The following GBF1 variants were observed in gnomAD, a reference collection of about 807,000 sequenced individuals.
The protein encoded by GBF1 is golgi brefeldin A resistant guanine nucleotide exchange factor 1.
A neutral mutation model predicts 210.5 loss-of-function variants in GBF1; 114 were observed. That is an observed-to-expected ratio of 0.54 (90% CI 0.47 to 0.63). The LOEUF (loss-of-function observed/expected upper bound fraction) is 0.63, where lower values mean the gene tolerates loss of function less well. GBF1 is among the 30% of genes least tolerant of loss of function. The probability of loss-of-function intolerance (pLI) is 0.00; values close to 1 mark genes in which losing one functional copy is unlikely to be tolerated. For missense variants in GBF1, 1,851 were observed against 2,357.7 expected (o/e 0.79, Z 4.45); for synonymous variants, 850 against 889.2 (o/e 0.96, Z 0.78).
chr10:102,358,146 G>A lies in GBF1; in HGVS notation c.747G>A (p.Leu249=), dbSNP rs1289847620. 8 of 1,613,572 alleles carry A rather than the reference G, an allele frequency of 5.0e-6. No homozygotes were observed. The change falls in exon 9 of 40, where the codon CTG becomes CTA. Residue 249 remains leucine, a synonymous_variant. Coordinates refer to ENST00000369983, the MANE Select transcript of GBF1 (RefSeq NM_001377137.1). ...CCAAAGTCACACCAGGTTCAGAGCT[G>A]CCCACTCCCAATGGAACCACCTTAT... ...HMTKVTPGSE[L]PTPNGTTLSS...
chr10:102,287,276 C>A (rs2076027394), intron 3 of GBF1, among the ~76,000 whole-genome samples: 1 of 151,738 alleles, frequency 6.6e-6, no homozygotes, highest in African/African-American at 2.4e-5. Flanking sequence ...GCAAATTACC[C>A]CCCAAAATGT....
Position 102,382,005 on chromosome 10 carries a change from G to A in GBF1, c.5303-51G>A, listed in dbSNP as rs758521971. ...CAGCCAGCTGGGCAATGTGAGAGTT[G>A]TCTTGTACCAACAAGGGAATCTGAC... On this transcript the variant is annotated intron_variant, in intron 39 of 39. Transcript: ENST00000369983. 3.4e-6 allele frequency: 5 copies of A among 1,470,488 alleles called. No homozygotes were observed. In the South Asian group the frequency reaches 5.4e-5, roughly 16 times the overall value. The allele number at this position is 1,470,488 out of a possible 1,614,324, so 91.1% of individuals were successfully genotyped here.
At chr10:102,303,307 T>G (rs902767134) in intron 3 of GBF1, among the ~76,000 whole-genome samples, 1 of 152,250 alleles carries the variant, frequency 6.6e-6, no homozygotes, top group East Asian at 1.9e-4. Flanking sequence ...GTATATGATA[T>G]GAGGTAGGGG....
chr10:102,265,949 G>A (rs1256672279), intron 3 of GBF1, among the ~76,000 whole-genome samples: 2 of 152,068 alleles, frequency 1.3e-5, no homozygotes, highest in Non-Finnish European at 2.9e-5. Context: ...GTAAGACTAA[G>A]GTGGAGGGCC....
At position 102,361,751 on chromosome 10, in the gene GBF1, G is replaced by T; in HGVS notation, c.1525G>T (p.Val509Leu). 6.2e-7 allele frequency: 1 copy of T among 1,610,544 alleles called. No individual in the cohort carries two copies. The highest frequency in any genetic ancestry group is 8.5e-7 in the Non-Finnish European group (1 of 1,178,554). The stretch of plus-strand genomic sequence containing the variant: ...CAAAAAGCTTATGGAGATCATCACT[G>T]TGGAGAACCCCAAGATGCCTTATGA... ...YIKKLMEIIT[V>L]ENPKMPYEMK... is the part of the protein sequence containing the mutation. Residue 509 changes from valine to leucine, a missense_variant, in exon 14 of 40, where the codon GTG becomes TTG. By Grantham distance (32) the Val-to-Leu change is conservative. Coordinates refer to ENST00000369983, the MANE Select transcript of GBF1 (RefSeq NM_001377137.1).
At position 102,380,678 on chromosome 10, in the gene GBF1, T is replaced by C. The variant is rs770875787; in HGVS notation, c.5165T>C (p.Val1722Ala). The C allele has an allele frequency of 6.2e-7, 1 of 1,608,568 alleles. No homozygotes were observed. The highest frequency in any genetic ancestry group is 8.5e-7 in the Non-Finnish European group (1 of 1,176,870). The change falls in exon 38 of 40, where the codon GTC (valine) becomes GCC (alanine). Residue 1722 changes from valine (V) to alanine (A), a missense_variant. This residue lies in a region of GBF1 where 967 missense variants were observed against 1,247.7 expected (regional missense o/e 0.78). Transcript: ENST00000369983. ...CGAGATGAACTCTTCAAGCAGACCG[T>C]CATCCAGGGTAGGGGGCTCAGCCCA... is the stretch of plus-strand genomic sequence containing the variant. ...HLRDELFKQT[V>A]IQDPMPMEPQ...
intron 3 of GBF1, among the ~76,000 whole-genome samples, chr10:102,339,952 A>AT (rs2058056473): frequency 9.6e-6 from 1 of 104,258 alleles, no homozygotes; most frequent in African/African-American, 4.2e-5. Context: ...ATACCTGGTT[A>AT]ATTTTTTTTT....
chr10:102,240,930 C>A (rs1188671389), upstream of GBF1, among the ~76,000 whole-genome samples: 1 of 152,212 alleles, frequency 6.6e-6, no homozygotes, highest in Non-Finnish European at 1.5e-5. Context: ...CCGTCAACTG[C>A]CCCCACACTG....
At chr10:102,380,446 C>A in intron 37 of GBF1, 60 bp from the exon 38 acceptor site, 1 of 1,589,360 alleles carries the variant, frequency 6.3e-7, no homozygotes, top group African/African-American at 1.3e-5. Context: ...AGCTACCTCC[C>A]TTTACCATAC....
At chr10:102,233,272 G>A in the GBF1 span, among the ~76,000 whole-genome samples, 7 of 145,182 alleles carry the variant, frequency 4.8e-5, no homozygotes, top group South Asian at 2.3e-4. Context: ...GGTCTGTTTC[G>A]TTTACGACTT....
intron 3 of GBF1, among the ~76,000 whole-genome samples, chr10:102,299,382 A>G (rs2485378): frequency 0.33 from 49,865 of 152,072 alleles, 8,852 homozygotes; most frequent in South Asian, 0.48. Context: ...ACTGTTCTGT[A>G]TCCTCATTGT....
intron 4 of GBF1, among the ~76,000 whole-genome samples, chr10:102,346,951 A>AT (rs2058618148): frequency 6.6e-6 from 1 of 152,154 alleles, no homozygotes; most frequent in South Asian, 2.1e-4. Context: ...CTTTCATAGC[A>AT]TTACAATTAT....
chr10:102,361,159 A>T (rs2059581600), intron 13 of GBF1, 39 bp downstream of exon 13: 3 of 1,036,106 alleles, frequency 2.9e-6, no homozygotes, highest in Non-Finnish European at 4.6e-6. Flanking sequence ...GGGAAAAAAA[A>T]TAGGGAGATA....
At position 102,361,849 on chromosome 10, in the gene GBF1, C is replaced by G; in HGVS notation, c.1623C>G (p.Ile541Met). 2 of 1,613,780 alleles carry G rather than the reference C, an allele frequency of 1.2e-6. No individual in the cohort carries two copies. The highest frequency in any genetic ancestry group is 1.7e-6 in the Non-Finnish European group (2 of 1,179,790). ...CCAGCTTTGTCACAGAGCTCTACATCAACTATGATTGTGACTACTACTGTT... is the reference window on the plus strand; with the variant it reads ...CCAGCTTTGTCACAGAGCTCTACATGAACTATGATTGTGACTACTACTGTT... Reference protein sequence around the residue: ...RIPSFVTELYINYDCDYYCSN... With the variant: ...RIPSFVTELYMNYDCDYYCSN... The change falls in exon 14 of 40, where the codon ATC becomes ATG. Residue 541 changes from isoleucine (I) to methionine (M), a missense_variant. Ile to Met is a conservative substitution (Grantham distance 10). Transcript: ENST00000369983.
At chr10:102,280,537 C>T (rs1349415837) in intron 3 of GBF1, among the ~76,000 whole-genome samples, 3 of 152,152 alleles carry the variant, frequency 2.0e-5, no homozygotes, top group Non-Finnish European at 4.4e-5. Flanking sequence ...TTATTTTTAA[C>T]CTCCCATTTC....
chr10:102,368,077 G>A, intron 21 of GBF1, 141 bp from the exon 22 acceptor site: 1 of 683,126 alleles, frequency 1.5e-6, no homozygotes, highest in Non-Finnish European at 2.6e-6. Context: ...TCCCACTGGT[G>A]GGTGGAAAGC....
chr10:102,257,932 A>G (rs2072636094), intron 1 of GBF1, among the ~76,000 whole-genome samples: 1 of 152,186 alleles, frequency 6.6e-6, no homozygotes, highest in African/African-American at 2.4e-5. Context: ...TTACAGTTGT[A>G]TCTGTGTACT....
At chr10:102,230,747 C>G in the GBF1 span, 1 of 1,489,176 alleles carries the variant, frequency 6.7e-7, no homozygotes, top group Non-Finnish European at 8.9e-7. Context: ...GCGGCCGGAG[C>G]CAGCCCGGGG....
chr10:102,340,629 G>A (rs892188301), intron 3 of GBF1, among the ~76,000 whole-genome samples: 2 of 151,872 alleles, frequency 1.3e-5, no homozygotes, highest in Non-Finnish European at 2.9e-5. Context: ...GGCTGGTCTC[G>A]AACTCCTAGA....
Sources: gnomAD v4.1 joint callset for allele counts (sites outside exome capture counted in the v4.1 genomes callset) on GRCh38, gnomAD v4.1.1 for gene constraint, gnomAD v4.1.1 regional missense constraint, MANE v1.5 for transcripts, NCBI Gene and HGNC (gene_info 2026-07-23, HGNC 2026-07-21) for gene names.